DLC1: variants seen among roughly 807,000 people sequenced by gnomAD.
DLC1 encodes rho GTPase-activating protein 7.
Under a neutral mutation model 140.3 loss-of-function variants are expected in DLC1, and 54 were observed. The observed-to-expected ratio is 0.38, with a 90% CI of 0.31 to 0.48. The LOEUF is 0.48. DLC1 is among the 20% of genes least tolerant of loss of function. The pLI is 0.96. For missense variants in DLC1, 2,536 were observed against 1,907.0 expected, an observed-to-expected ratio of 1.33 and a Z score of -6.14; for synonymous variants, 986 against 728.1, an observed-to-expected ratio of 1.35 and a Z score of -5.70.
intron 5 of DLC1, among the ~76,000 whole-genome samples, chr8:13,168,301 G>A (rs999682365): frequency 1.8e-4 from 28 of 152,164 alleles, no homozygotes; most frequent in African/African-American, 6.0e-4. Context: ...ATGAGAGGAA[G>A]GACCAATATT....
At chr8:13,335,421 T>C (rs1833777661) in intron 4 of DLC1, among the ~76,000 whole-genome samples, 1 of 152,210 alleles carries the variant, frequency 6.6e-6, no homozygotes. Flanking sequence ...TACGGAATAC[T>C]AATATTTGTA....
intron 1 of DLC1, among the ~76,000 whole-genome samples, chr8:13,551,849 C>T (rs1378695652): frequency 7.1e-6 from 1 of 140,860 alleles, no homozygotes; most frequent in Admixed American, 7.3e-5. Context: ...TATATATGCA[C>T]CTCTAGACAA....
chr8:13,365,008 A>T (rs1835415970), intron 4 of DLC1, among the ~76,000 whole-genome samples: 1 of 152,206 alleles, frequency 6.6e-6, no homozygotes, highest in Non-Finnish European at 1.5e-5. Flanking sequence ...ATCTTTGCCC[A>T]CAGACTTGCA....
intron 2 of DLC1, among the ~76,000 whole-genome samples, chr8:13,441,247 A>C (rs1457209747): frequency 2.6e-5 from 4 of 152,214 alleles, no homozygotes; most frequent in Non-Finnish European, 5.9e-5. Flanking sequence ...CCCACAGCCA[A>C]TATTATACTG....
At chr8:13,509,399 C>G (rs1802255456) in intron 1 of DLC1, among the ~76,000 whole-genome samples, 1 of 152,124 alleles carries the variant, frequency 6.6e-6, no homozygotes, top group Admixed American at 6.5e-5. Flanking sequence ...GGTGTCCTAC[C>G]TGGGGTCAAT....
At chr8:13,536,138 C>T (rs57538751) in intron 1 of DLC1, 2 of 152,100 alleles carry the variant, frequency 1.3e-5, no homozygotes. Flanking sequence ...AGCAGCTCCC[C>T]CTTGTATACT....
intron 2 of DLC1, among the ~76,000 whole-genome samples, chr8:13,491,966 C>G (rs1162221498): frequency 6.6e-6 from 1 of 152,144 alleles, no homozygotes; most frequent in Non-Finnish European, 1.5e-5. Flanking sequence ...GCTCAGTGAG[C>G]TACATTTTAG....
chr8:13,267,771 T>C lies in DLC1; in HGVS notation c.1348+37498A>G, dbSNP rs571667833. Among the ~76,000 whole-genome samples, 424 of 139,598 alleles carry C rather than the reference T, an allele frequency of 3.0e-3. 1 individual carries two copies. The highest frequency in any genetic ancestry group is 5.1e-3 in the Non-Finnish European group (330 of 64,174). 91.6% of individuals were successfully genotyped at this position (139,598 alleles called of 152,430 possible). On this transcript the variant is annotated intron_variant, in intron 5 of 17. Coordinates refer to ENST00000276297, the MANE Select transcript of DLC1 (RefSeq NM_182643.3). Reference sequence around the variant, plus strand: ...GTGTGTGTGTGTGTGTGTGTGTGTGTGCAATTGCCTAGATGTGCTCATTAC... The same window carrying C: ...GTGTGTGTGTGTGTGTGTGTGTGTGCGCAATTGCCTAGATGTGCTCATTAC...
chr8:13,370,790 C>G (rs912512576), intron 4 of DLC1, among the ~76,000 whole-genome samples: 2 of 152,144 alleles, frequency 1.3e-5, no homozygotes, highest in Admixed American at 6.5e-5. Flanking sequence ...TCTTGTTGCT[C>G]TAAATCCAAT....
intron 5 of DLC1, chr8:13,133,103 C>A (rs1362089573): frequency 2.0e-6 from 3 of 1,484,242 alleles, no homozygotes; most frequent in Non-Finnish European, 2.7e-6. Flanking sequence ...CTCAACGCAT[C>A]CTTGCTCGCC....
Position 13,249,366 on chromosome 8 carries a change from C to T in DLC1, c.1348+55903G>A, listed in dbSNP as rs552151336. On this transcript the variant is annotated intron_variant, in intron 5 of 17. Transcript: ENST00000276297. ...GTGCTGGGATTACAAGTGTGAGCCA[C>T]CACGTCCGGCCACCCTGACTCATTT... 3.9e-5 allele frequency among the ~76,000 whole-genome samples: 6 copies of T among 152,316 alleles called. No homozygotes were observed. The East Asian group carries it at 9.7e-4, about 25-fold the overall frequency.
intron 1 of DLC1, among the ~76,000 whole-genome samples, chr8:13,553,439 T>C (rs1042860285): frequency 1.3e-5 from 2 of 151,514 alleles, no homozygotes; most frequent in African/African-American, 2.4e-5. Flanking sequence ...GTTTTTTTCT[T>C]ATATTAACAC....
chr8:13,405,288 C>A (rs1837476305), intron 2 of DLC1, among the ~76,000 whole-genome samples: 1 of 152,186 alleles, frequency 6.6e-6, no homozygotes. Context: ...CAACCCTTGC[C>A]TCCCTCCCTC....
intron 2 of DLC1, among the ~76,000 whole-genome samples, chr8:13,405,972 TC>T: frequency 8.0e-6 from 1 of 125,050 alleles, no homozygotes; most frequent in Non-Finnish European, 1.8e-5. Flanking sequence ...TTTCTTTCTT[TC>T]ATCTCTCTCT....
chr8:13,376,536 G>T (rs979293753), intron 4 of DLC1, among the ~76,000 whole-genome samples: 1 of 152,094 alleles, frequency 6.6e-6, no homozygotes, highest in African/African-American at 2.4e-5. Flanking sequence ...AAGGCAATAT[G>T]GTTAGAGTAG....
chr8:13,497,864 T>A (rs1801584905), intron 2 of DLC1, among the ~76,000 whole-genome samples: 1 of 152,248 alleles, frequency 6.6e-6, no homozygotes. Flanking sequence ...AATGCTCTGT[T>A]AGCATATAGC....
At chr8:13,128,599 G>A (rs548387538) in intron 5 of DLC1, among the ~76,000 whole-genome samples, 2 of 152,326 alleles carry the variant, frequency 1.3e-5, no homozygotes, top group South Asian at 2.1e-4. Flanking sequence ...TTGGGAGGCC[G>A]AGGCGGGCGG....
At chr8:13,449,304 C>T (rs924746962) in intron 2 of DLC1, among the ~76,000 whole-genome samples, 2 of 152,118 alleles carry the variant, frequency 1.3e-5, no homozygotes, top group African/African-American at 2.4e-5. Flanking sequence ...ATGGAGGGAA[C>T]ATTTGTCTTT....
intron 5 of DLC1, among the ~76,000 whole-genome samples, chr8:13,246,075 G>A (rs1829750774): frequency 6.6e-6 from 1 of 152,090 alleles, no homozygotes; most frequent in Admixed American, 6.6e-5. Context: ...ATGAACCAGG[G>A]TGGTGGTCCT....
Sources: gnomAD v4.1 joint callset for allele counts (sites outside exome capture counted in the v4.1 genomes callset) on GRCh38, gnomAD v4.1.1 for gene constraint, MANE v1.5 for transcripts, NCBI Gene and HGNC (gene_info 2026-07-23, HGNC 2026-07-21) for gene names.